Variants in TTLL4 observed in about 807,000 individuals in gnomAD.
The protein encoded by TTLL4 is tubulin tyrosine ligase like 4.
A neutral mutation model predicts 122.7 loss-of-function variants in TTLL4; 85 were observed. The observed-to-expected ratio is 0.69, with a 90% CI of 0.58 to 0.83. The LOEUF is 0.83. Among genes scored for constraint, TTLL4 ranks in the 40% least tolerant of loss-of-function variants. The probability of loss-of-function intolerance (pLI) is 0.00; values close to 1 mark genes in which losing one functional copy is unlikely to be tolerated. For missense variants in TTLL4, 1,363 were observed against 1,488.6 expected, an observed-to-expected ratio of 0.92 and a Z score of 1.39; for synonymous variants, 553 against 563.0, an observed-to-expected ratio of 0.98 and a Z score of 0.25.
At chr2:218,737,069 T>G (rs903218583) in intron 2 of TTLL4, among the ~76,000 whole-genome samples, 4 of 152,164 alleles carry the variant, frequency 2.6e-5, no homozygotes, top group African/African-American at 9.7e-5. Context: ...CTTGAACTCC[T>G]GGGCTCAAGC....
chr2:218,738,629 C>T lies in TTLL4; in HGVS notation c.953C>T (p.Ser318Phe). ...NNLAMRAEPLSCALDDSSDSQ... is the reference protein window; with the variant it reads ...NNLAMRAEPLFCALDDSSDSQ... ...TTAGCCATGAGGGCAGAGCCACTTT[C>T]CTGTGCTCTGGATGACAGCTCTGAT... The change falls in exon 3 of 20, where the codon TCC (serine) becomes TTC (phenylalanine). Residue 318 changes from serine to phenylalanine, a missense_variant. This residue lies in a region of TTLL4 where 760 missense variants were observed against 808.4 expected (regional missense o/e 0.94). Coordinates refer to ENST00000392102, the MANE Select transcript of TTLL4 (RefSeq NM_014640.5). 6.2e-7 allele frequency: 1 copy of T among 1,614,246 alleles called. No individual in the cohort carries two copies. The highest frequency in any genetic ancestry group is 8.5e-7 in the Non-Finnish European group (1 of 1,180,052).
At chr2:218,757,660 G>C (rs1943177667), downstream of TTLL4, among the ~76,000 whole-genome samples, 1 of 152,130 alleles carries the variant, frequency 6.6e-6, no homozygotes, top group East Asian at 1.9e-4. Context: ...GTTTCAAGCT[G>C]TTTGGCTGAG....
At chr2:218,735,765 C>T (rs1260495738) in intron 2 of TTLL4, among the ~76,000 whole-genome samples, 1 of 151,756 alleles carries the variant, frequency 6.6e-6, no homozygotes, top group Non-Finnish European at 1.5e-5. Flanking sequence ...CTCCGCCTCC[C>T]GAGGTCAAGC....
Position 218,738,819 on chromosome 2 carries a change from T to A in TTLL4, c.1143T>A (p.Pro381=), listed in dbSNP as rs887990619. 3.1e-6 allele frequency: 5 copies of A among 1,614,112 alleles called. No homozygotes were observed. The highest frequency in any genetic ancestry group is 1.7e-5 in the Admixed American group (1 of 60,018). Reference sequence around the variant, plus strand: ...TCAACAGGAGCAGGCGGTGGAAACCTCCTGCGGTAAATCAGCAGTTTCCTC... The same window carrying A: ...TCAACAGGAGCAGGCGGTGGAAACCACCTGCGGTAAATCAGCAGTTTCCTC... ...NVLNRSRRWK[P]PAVNQQFPQE... is the part of the protein sequence containing the mutation. Residue 381 remains proline, a synonymous_variant, in exon 3 of 20, where the codon CCT becomes CCA. Coordinates refer to ENST00000392102, the MANE Select transcript of TTLL4 (RefSeq NM_014640.5).
At position 218,747,088 on chromosome 2, in the gene TTLL4, A is replaced by G. The variant is rs1942863625; in HGVS notation, c.2060A>G (p.Lys687Arg). 3 of 1,614,086 alleles carry G rather than the reference A, an allele frequency of 1.9e-6. No individual in the cohort carries two copies. The highest frequency in any genetic ancestry group is 8.5e-7 in the Non-Finnish European group (1 of 1,180,034). The change falls in exon 9 of 20, where the codon AAG (lysine) becomes AGG (arginine). Residue 687 changes from lysine to arginine, a missense_variant. Physicochemically the swap from Lys to Arg is conservative, Grantham distance 26 (BLOSUM62 2). This residue lies in a region of TTLL4 where 596 missense variants were observed against 655.8 expected (regional missense o/e 0.91). Coordinates refer to ENST00000392102, the MANE Select transcript of TTLL4 (RefSeq NM_014640.5). This position sits in a 1 kb window ranked among gnomAD's most constrained non-coding sequence, Gnocchi z 4.7. Reference sequence around the variant, plus strand: ...TCACGTATGCAGAGCCGCTTTGGCAAGAAGGAGTTCAGTTTCTTCCCCCAG... The same window carrying G: ...TCACGTATGCAGAGCCGCTTTGGCAGGAAGGAGTTCAGTTTCTTCCCCCAG... ...NLSRMQSRFG[K>R]KEFSFFPQSF...
intron 2 of TTLL4, among the ~76,000 whole-genome samples, chr2:218,728,536 G>A (rs1294959137): frequency 2.6e-5 from 4 of 152,234 alleles, no homozygotes; most frequent in Non-Finnish European, 5.9e-5. Flanking sequence ...CTCCTGCTGT[G>A]TGGCCTGGTT....
chr2:218,756,803 C>G (rs1943160192), downstream of TTLL4, among the ~76,000 whole-genome samples: 2 of 152,134 alleles, frequency 1.3e-5, no homozygotes, highest in African/African-American at 4.8e-5. Flanking sequence ...GAAGTGCAGG[C>G]TATTTCTGGA....
At chr2:218,753,005 A>G (rs1212525603) in intron 17 of TTLL4, 32 bp downstream of exon 17, 1 of 1,613,994 alleles carries the variant, frequency 6.2e-7, no homozygotes, top group African/African-American at 1.3e-5. Flanking sequence ...CAGAAAGCCA[A>G]GTTTAGTGAG....
At chr2:218,712,678 C>T (rs928499975) in intron 1 of TTLL4, among the ~76,000 whole-genome samples, 10 of 152,120 alleles carry the variant, frequency 6.6e-5, no homozygotes, top group Non-Finnish European at 1.0e-4. Context: ...TGAGCCACCG[C>T]GCCCGGCCCC....
Position 218,745,221 on chromosome 2 carries a change from C to T in TTLL4, c.1774C>T (p.Arg592Trp), listed in dbSNP as rs1284786588. 7 of 1,613,852 alleles carry T rather than the reference C, an allele frequency of 4.3e-6. No individual in the cohort carries two copies. The highest frequency in any genetic ancestry group is 1.7e-5 in the Admixed American group (1 of 59,998). The change falls in exon 6 of 20, where the codon CGG becomes TGG. Residue 592 changes from arginine (R) to tryptophan (W), a missense_variant. By Grantham distance (101) the Arg-to-Trp change is moderately radical (BLOSUM62 -3). Coordinates refer to ENST00000392102, the MANE Select transcript of TTLL4 (RefSeq NM_014640.5). ...TCCCCCTACCATCTATTTTGGCACT[C>T]GGGATGAGAGAGGTAAACCTGGCCA... ...NVPPTIYFGT[R>W]DERVEKLPWE...
intron 5 of TTLL4, 99 bp from the exon 6 acceptor site, chr2:218,745,010 A>G (rs370229641): frequency 6.7e-5 from 100 of 1,499,176 alleles, no homozygotes; most frequent in East Asian, 2.1e-4. Flanking sequence ...ATCACAAGTT[A>G]AAAGACAGCA....
At chr2:218,744,009 C>T (rs1409907910) in intron 5 of TTLL4, among the ~76,000 whole-genome samples, 2 of 152,202 alleles carry the variant, frequency 1.3e-5, no homozygotes, top group Non-Finnish European at 2.9e-5. Context: ...TTAACTCATT[C>T]TTATTGACTT....
intron 6 of TTLL4, 33 bp from the exon 7 acceptor site, chr2:218,745,658 C>T (rs746390226): frequency 7.1e-7 from 1 of 1,401,424 alleles, no homozygotes; most frequent in East Asian, 2.4e-5. Flanking sequence ...TCCTCTCCAT[C>T]CCCCATCCCC....
chr2:218,729,769 A>G (rs1255845310), intron 2 of TTLL4, among the ~76,000 whole-genome samples: 1 of 151,048 alleles, frequency 6.6e-6, no homozygotes, highest in Non-Finnish European at 1.5e-5. Context: ...AAAACAAAAA[A>G]AAAAAAAACA....
chr2:218,744,941 A>G (rs1239365016), intron 5 of TTLL4, among the ~76,000 whole-genome samples, 168 bp from the exon 6 acceptor site: 4 of 152,196 alleles, frequency 2.6e-5, no homozygotes, highest in Non-Finnish European at 5.9e-5. Flanking sequence ...TTAGCCTAGT[A>G]CCTTATGGAT....
intron 2 of TTLL4, among the ~76,000 whole-genome samples, chr2:218,733,226 C>T (rs1449083868): frequency 6.6e-6 from 1 of 152,056 alleles, no homozygotes; most frequent in Non-Finnish European, 1.5e-5. Context: ...TTAGTTCGTT[C>T]TCGTACTGCT....
Position 218,735,809 on chromosome 2 carries a change from A to AT in TTLL4, c.-98-1768dup, listed in dbSNP as rs568383481. 3.1e-3 allele frequency among the ~76,000 whole-genome samples: 477 copies of AT among 151,752 alleles called. 1 individual carries two copies. The highest frequency in any genetic ancestry group is 0.011 in the African/African-American group (456 of 41,320). ...TGCCTCAGGCTCCCAAGTAGCTGGG[A>AT]TTACAGGCACCCTCCTCCGTGCATG... On this transcript the variant is annotated intron_variant, in intron 2 of 19. Coordinates refer to ENST00000392102, the MANE Select transcript of TTLL4 (RefSeq NM_014640.5).
downstream of TTLL4, among the ~76,000 whole-genome samples, chr2:218,756,660 A>G (rs1943156982): frequency 6.6e-6 from 1 of 152,192 alleles, no homozygotes; most frequent in Non-Finnish European, 1.5e-5. Context: ...AAGGAATGAG[A>G]TTTTTTTGGG....
Position 218,738,756 on chromosome 2 carries a change from G to A in TTLL4, c.1080G>A (p.Gln360=). ...KMPRQGCQLE[Q]SSFLNPSFQW... Reference sequence around the variant, plus strand: ...CGAGGCAAGGCTGCCAGCTTGAACAGTCTAGTTTCCTGAACCCCAGCTTCC... The same window carrying A: ...CGAGGCAAGGCTGCCAGCTTGAACAATCTAGTTTCCTGAACCCCAGCTTCC... The change falls in exon 3 of 20, where the codon CAG becomes CAA. Residue 360 remains glutamine, a synonymous_variant. Transcript: ENST00000392102. 1 of 1,614,138 alleles carries A rather than the reference G, an allele frequency of 6.2e-7. No individual in the cohort carries two copies. The highest frequency in any genetic ancestry group is 8.5e-7 in the Non-Finnish European group (1 of 1,179,966).
Sources: gnomAD v4.1 joint callset for allele counts (sites outside exome capture counted in the v4.1 genomes callset) on GRCh38, gnomAD v4.1.1 for gene constraint, gnomAD v4.1.1 regional missense constraint, Gnocchi (gnomAD v3.1) non-coding constraint, MANE v1.5 for transcripts, NCBI Gene and HGNC (gene_info 2026-07-23, HGNC 2026-07-21) for gene names.